RIPOR2: variants seen among roughly 807,000 people sequenced by gnomAD.
The protein encoded by RIPOR2 is rho family-interacting cell polarization regulator 2.
A neutral mutation model predicts 114.5 loss-of-function variants in RIPOR2; 39 were observed. The ratio of observed to expected loss-of-function variants is 0.34; its 90% CI spans 0.26 to 0.44. The LOEUF (loss-of-function observed/expected upper bound fraction) is 0.44, where lower values mean the gene tolerates loss of function less well. Ranked by LOEUF, RIPOR2 falls within the 20% of genes least tolerant of loss-of-function variation. The probability of loss-of-function intolerance (pLI) is 1.00; values close to 1 mark genes in which losing one functional copy is unlikely to be tolerated. For missense variants in RIPOR2, 1,007 were observed against 1,255.1 expected, an observed-to-expected ratio of 0.80 and a Z score of 2.99; for synonymous variants, 445 against 484.4, an observed-to-expected ratio of 0.92 and a Z score of 1.07.
intron 1 of RIPOR2, among the ~76,000 whole-genome samples, chr6:24,977,666 A>G (rs1457772391): frequency 2.0e-5 from 3 of 152,314 alleles, no homozygotes; most frequent in South Asian, 2.1e-4. Context: ...TCACTGGCCC[A>G]TCAGTGATGG....
intron 1 of RIPOR2, among the ~76,000 whole-genome samples, chr6:25,005,732 T>TAC (rs1408924237): frequency 1.6e-4 from 18 of 111,886 alleles, no homozygotes; most frequent in African/African-American, 5.3e-4. Flanking sequence ...TATATATATA[T>TAC]ATATATATAC....
At chr6:24,876,115 A>G (rs1441714448) in intron 1 of RIPOR2, among the ~76,000 whole-genome samples, 1 of 151,990 alleles carries the variant, frequency 6.6e-6, no homozygotes, top group East Asian at 1.9e-4. Flanking sequence ...ACCTGGTGAA[A>G]CCCCATCTCT....
chr6:24,995,440 G>A (rs11966761), intron 1 of RIPOR2, among the ~76,000 whole-genome samples: 8,644 of 152,288 alleles, frequency 0.057, 797 homozygotes, highest in African/African-American at 0.19. Context: ...AAGTGGCCAC[G>A]GGGAGGGAGG....
chr6:24,876,564 C>T (rs1765781902), intron 1 of RIPOR2, among the ~76,000 whole-genome samples: 1 of 152,144 alleles, frequency 6.6e-6, no homozygotes, highest in Admixed American at 6.5e-5. Context: ...AGCTAAAACA[C>T]TAGGTTACTT....
At chr6:24,847,021 G>A (rs561515780) in intron 12 of RIPOR2, among the ~76,000 whole-genome samples, 16 of 152,126 alleles carry the variant, frequency 1.1e-4, no homozygotes, top group Non-Finnish European at 2.1e-4. Flanking sequence ...GCACCATCTT[G>A]GCTAACTGCA....
intron 1 of RIPOR2, among the ~76,000 whole-genome samples, chr6:24,932,859 G>A (rs1771508180): frequency 6.6e-6 from 1 of 152,180 alleles, no homozygotes; most frequent in Non-Finnish European, 1.5e-5. Flanking sequence ...GGCATGTTAA[G>A]TGAGCTGAAA....
At position 24,825,207 on chromosome 6, in the gene RIPOR2, C is replaced by T. The variant is rs971727689; in HGVS notation, c.2868+19G>A. The T allele has an allele frequency of 1.2e-5, 19 of 1,531,290 alleles. No homozygotes were observed. In the Admixed American group the frequency reaches 3.8e-4, roughly 30 times the overall value. The allele number at this position is 1,531,290 out of a possible 1,614,324, so 94.9% of individuals were successfully genotyped here. A position where few individuals can be genotyped will look rare whatever the true frequency, so the allele number is the denominator to read the frequency against. ...ATTAAACCAGCTTCTGGCTTGATGG[C>T]CATGGTTTAGTGTCTTACCTTTTCC... is the stretch of plus-strand genomic sequence containing the variant. On this transcript the variant is annotated intron_variant, in intron 19 of 21. Coordinates refer to ENST00000643898, the MANE Select transcript of RIPOR2 (RefSeq NM_001286445.3).
chr6:24,912,296 G>A (rs1561767357), intron 1 of RIPOR2, among the ~76,000 whole-genome samples: 1 of 152,170 alleles, frequency 6.6e-6, no homozygotes, highest in Non-Finnish European at 1.5e-5. Flanking sequence ...TCATTCTGAA[G>A]CACCCCTTCA....
intron 8 of RIPOR2, among the ~76,000 whole-genome samples, chr6:24,856,240 A>T (rs1406160784): frequency 1.3e-5 from 2 of 152,198 alleles, no homozygotes; most frequent in Non-Finnish European, 2.9e-5. Context: ...CAGCACATTT[A>T]AAAACAGCTT....
chr6:25,038,169 A>G (rs1275776505), intron 1 of RIPOR2, among the ~76,000 whole-genome samples: 1 of 152,264 alleles, frequency 6.6e-6, no homozygotes, highest in Non-Finnish European at 1.5e-5. Flanking sequence ...AAACAAAAAC[A>G]AACAAATGAG....
At chr6:24,863,772 G>A (rs114979515) in intron 7 of RIPOR2, among the ~76,000 whole-genome samples, 1,912 of 152,072 alleles carry the variant, frequency 0.013, 36 homozygotes, top group African/African-American at 0.044. Flanking sequence ...ATTATTTATT[G>A]CAGATAACTT....
At position 24,925,290 on chromosome 6, in the gene RIPOR2, G is replaced by A. The variant is rs112272387; in HGVS notation, c.61+10548C>T. 3.9e-3 allele frequency among the ~76,000 whole-genome samples: 593 copies of A among 152,294 alleles called. 3 individuals carry two copies. The highest frequency in any genetic ancestry group is 7.0e-3 in the Non-Finnish European group (474 of 68,032). ...TATTATCAATATTAGGAAGACTCAC[G>A]GGGCTATCTGTGTCTACTGCATTGT... On this transcript the variant is annotated intron_variant, in intron 1 of 21. Coordinates refer to ENST00000643898, the MANE Select transcript of RIPOR2 (RefSeq NM_001286445.3).
At chr6:24,839,301 C>T in intron 13 of RIPOR2, 29 bp from the exon 14 acceptor site, 7 of 1,534,178 alleles carry the variant, frequency 4.6e-6, no homozygotes, top group Non-Finnish European at 6.2e-6. Flanking sequence ...CCAGGGAGAA[C>T]ATCAACATAT....
chr6:24,899,450 A>C (rs1234964808), intron 1 of RIPOR2, among the ~76,000 whole-genome samples: 1 of 152,190 alleles, frequency 6.6e-6, no homozygotes, highest in Non-Finnish European at 1.5e-5. Context: ...AAATACTTCT[A>C]CTTAGCAAAC....
chr6:24,835,652 T>A, intron 15 of RIPOR2, 51 bp downstream of exon 15: 1 of 1,508,170 alleles, frequency 6.6e-7, no homozygotes, highest in South Asian at 1.2e-5. Flanking sequence ...GCACACTTCC[T>A]GGTATGTAAA....
At chr6:25,001,468 C>CA (rs1775312969) in intron 1 of RIPOR2, among the ~76,000 whole-genome samples, 1 of 151,330 alleles carries the variant, frequency 6.6e-6, no homozygotes, top group African/African-American at 2.4e-5. Context: ...ACTAAGAATA[C>CA]AAAAAAATTA....
At chr6:25,023,855 G>C in intron 1 of RIPOR2, 2 of 731,498 alleles carry the variant, frequency 2.7e-6, no homozygotes, top group Non-Finnish European at 2.5e-6. Flanking sequence ...GCTTTGACCG[G>C]TTCCTAGGTC....
intron 1 of RIPOR2, among the ~76,000 whole-genome samples, chr6:24,989,213 A>T (rs1468833752): frequency 6.6e-6 from 1 of 152,066 alleles, no homozygotes; most frequent in Non-Finnish European, 1.5e-5. Flanking sequence ...TCATGGATAT[A>T]ATATCTTAAA....
intron 1 of RIPOR2, chr6:25,023,642 G>A: frequency 1.3e-6 from 1 of 762,840 alleles, no homozygotes; most frequent in East Asian, 2.4e-5. Flanking sequence ...GCCTGCTGGG[G>A]TCTCATAGAT....
Sources: allele counts gnomAD v4.1 joint callset (sites outside exome capture counted in the v4.1 genomes callset), GRCh38; gene constraint gnomAD v4.1.1; transcripts MANE v1.5; gene names NCBI Gene and HGNC (gene_info 2026-07-23, HGNC 2026-07-21).